Variants in ZNF83 observed in about 807,000 individuals in gnomAD.
ZNF83 encodes the protein zinc finger protein 816B.
For synonymous variants in ZNF83, 209 were observed against 213.0 expected, an observed-to-expected ratio of 0.98 and a Z score of 0.17; for missense variants, 552 against 629.9, an observed-to-expected ratio of 0.88 and a Z score of 1.32.
At chr19:52,656,615 C>G (rs1262291966) in intron 2 of ZNF83, among the ~76,000 whole-genome samples, 1 of 152,080 alleles carries the variant, frequency 6.6e-6, no homozygotes, top group Non-Finnish European at 1.5e-5. Flanking sequence ...CACCTATAAT[C>G]CGAACACTTA....
At chr19:52,616,086 C>A (rs948229144) in intron 2 of ZNF83, among the ~76,000 whole-genome samples, 1 of 152,208 alleles carries the variant, frequency 6.6e-6, no homozygotes, top group African/African-American at 2.4e-5. Flanking sequence ...GATCCACCCA[C>A]CTTGGGCTCC....
At chr19:52,681,280 C>CAAAAAAAAAAAAAAAAAAAAAAAAAAA (rs56916405) in intron 1 of ZNF83, among the ~76,000 whole-genome samples, 10 of 75,426 alleles carry the variant, frequency 1.3e-4, no homozygotes, top group South Asian at 6.4e-4. Flanking sequence ...GAGACTTTCT[C>CAAAAAAAAAAAAAAAAAAAAAAAAAAA]AAAAAAAAAA....
chr19:52,672,874 C>CA (rs1172449170), intron 1 of ZNF83, among the ~76,000 whole-genome samples: 1 of 151,644 alleles, frequency 6.6e-6, no homozygotes, highest in Non-Finnish European at 1.5e-5. Flanking sequence ...CCGTGCATGG[C>CA]AAAAAAGTTT....
At chr19:52,627,611 C>T (rs2060792127) in intron 2 of ZNF83, among the ~76,000 whole-genome samples, 1 of 152,114 alleles carries the variant, frequency 6.6e-6, no homozygotes, top group Non-Finnish European at 1.5e-5. Context: ...TGAGATCATA[C>T]CAGTACTCTG....
intron 1 of ZNF83, chr19:52,636,025 G>A (rs530784292): frequency 2.0e-5 from 3 of 151,046 alleles, no homozygotes; most frequent in East Asian, 1.9e-4. Context: ...GACCACGTGC[G>A]GTGGCTCTTT....
At chr19:52,623,399 A>G (rs1470779165) in intron 2 of ZNF83, among the ~76,000 whole-genome samples, 1 of 152,064 alleles carries the variant, frequency 6.6e-6, no homozygotes, top group African/African-American at 2.4e-5. Flanking sequence ...GTGGGTATTG[A>G]TGGCCAGGCT....
At chr19:52,639,426 T>TTTTTTC (rs2061261935), upstream of ZNF83, among the ~76,000 whole-genome samples, 1 of 143,458 alleles carries the variant, frequency 7.0e-6, no homozygotes, top group Non-Finnish European at 1.5e-5. Context: ...TTTTTTTTTT[T>TTTTTTC]TTTTTTTTTT....
intron 1 of ZNF83, among the ~76,000 whole-genome samples, chr19:52,669,721 T>C (rs574535465): frequency 1.6e-4 from 25 of 152,280 alleles, no homozygotes; most frequent in African/African-American, 4.1e-4. Flanking sequence ...AAAAGAATAG[T>C]AGCCTCAATT....
At chr19:52,640,857 G>A (rs1215511473), upstream of ZNF83, among the ~76,000 whole-genome samples, 1 of 152,108 alleles carries the variant, frequency 6.6e-6, no homozygotes, top group Non-Finnish European at 1.5e-5. Flanking sequence ...TTTTATCTTC[G>A]ATTGTCTGAA....
intron 3 of ZNF83, chr19:52,655,524 G>A: frequency 2.8e-6 from 4 of 1,444,148 alleles, no homozygotes; most frequent in South Asian, 1.2e-5. Context: ...GATAGACAAG[G>A]GCAGATTCCT....
At chr19:52,663,900 T>C (rs1196478370) in intron 1 of ZNF83, among the ~76,000 whole-genome samples, 3 of 152,250 alleles carry the variant, frequency 2.0e-5, no homozygotes, top group African/African-American at 7.2e-5. Flanking sequence ...TTTATTTTAT[T>C]TTATTGAGAC....
chr19:52,618,310 A>C (rs1243990251), intron 2 of ZNF83, among the ~76,000 whole-genome samples: 1 of 151,142 alleles, frequency 6.6e-6, no homozygotes, highest in African/African-American at 2.4e-5. Flanking sequence ...CCCAGGCTAG[A>C]GTGCAGTGGC....
At chr19:52,639,814 T>C (rs975684020), upstream of ZNF83, among the ~76,000 whole-genome samples, 6 of 152,062 alleles carry the variant, frequency 3.9e-5, no homozygotes, top group African/African-American at 1.4e-4. Context: ...TTCACGATGA[T>C]AATAGTGAAA....
rs111564590 is a variant in ZNF83 at position 52,652,726 on chromosome 19, TAA to T, written c.-74+2833_-74+2834del. The T allele has an allele frequency of 7.4e-4, 520 of 705,288 alleles. 2 individuals carry two copies. In the African/African-American group the frequency reaches 8.4e-3, roughly 11 times the overall value. 43.7% of individuals were successfully genotyped at this position (705,288 alleles called of 1,614,324 possible). A position where few individuals can be genotyped will look rare whatever the true frequency, so the allele number is the denominator to read the frequency against. ...GACTTTGTGAGAATCATTACATTTG[TAA>T]AGTTTCCCTATACCATGGATTGCTT... On this transcript the variant is annotated intron_variant, in intron 3 of 5. Transcript: ENST00000594682.
intron 1 of ZNF83, among the ~76,000 whole-genome samples, chr19:52,676,895 A>G (rs1377466837): frequency 7.4e-6 from 1 of 136,028 alleles, no homozygotes. Flanking sequence ...GGGTGGTGCA[A>G]GATGTGCTTT....
intron 2 of ZNF83, chr19:52,617,206 C>T (rs1017328509): frequency 1.3e-5 from 2 of 152,248 alleles, no homozygotes; most frequent in Non-Finnish European, 2.9e-5. Flanking sequence ...AGAAAGGAAT[C>T]ATTTCAAGGG....
intron 2 of ZNF83, among the ~76,000 whole-genome samples, chr19:52,627,836 A>G (rs2147137450): frequency 6.6e-6 from 1 of 152,234 alleles, no homozygotes; most frequent in South Asian, 2.1e-4. Context: ...ATATCCCGTG[A>G]CCTGCACGTA....
chr19:52,640,306 A>T (rs2061283955), upstream of ZNF83, among the ~76,000 whole-genome samples: 2 of 152,244 alleles, frequency 1.3e-5, no homozygotes, highest in Non-Finnish European at 2.9e-5. Context: ...TCGGCGTTCC[A>T]AAGTAGAGAC....
intron 1 of ZNF83, among the ~76,000 whole-genome samples, chr19:52,676,155 A>AT (rs2061800223): frequency 6.6e-6 from 1 of 152,042 alleles, no homozygotes; most frequent in South Asian, 2.1e-4. Flanking sequence ...TGGTTTTCGT[A>AT]TTTTTTTGGT....
Sources: gnomAD v4.1 joint callset for allele counts (sites outside exome capture counted in the v4.1 genomes callset) on GRCh38, gnomAD v4.1.1 for gene constraint, MANE v1.5 for transcripts, NCBI Gene and HGNC (gene_info 2026-07-23, HGNC 2026-07-21) for gene names.